Variants in ZBTB7C observed in about 807,000 individuals in gnomAD.
ZBTB7C encodes zinc finger and BTB domain containing 7C, also known as zinc finger and BTB domain-containing protein 7C.
A neutral mutation model predicts 25.7 loss-of-function variants in ZBTB7C; 8 were observed. The ratio of observed to expected loss-of-function variants is 0.31; its 90% CI spans 0.18 to 0.56. The LOEUF (loss-of-function observed/expected upper bound fraction) is 0.56, where lower values mean the gene tolerates loss of function less well. Ranked by LOEUF, ZBTB7C falls within the 20% of genes least tolerant of loss-of-function variation. The probability of loss-of-function intolerance (pLI) is 0.91; values close to 1 mark genes in which losing one functional copy is unlikely to be tolerated. For missense variants in ZBTB7C, 824 were observed against 855.2 expected (o/e 0.96, Z 0.46); for synonymous variants, 394 against 369.0 (o/e 1.07, Z -0.78).
At chr18:48,367,636 T>C (rs1256805897) in intron 1 of ZBTB7C, among the ~76,000 whole-genome samples, 2 of 151,918 alleles carry the variant, frequency 1.3e-5, no homozygotes, top group African/African-American at 4.8e-5. Context: ...AACTGCTCTA[T>C]TCAGCCAAAC....
intron 3 of ZBTB7C, among the ~76,000 whole-genome samples, chr18:48,156,065 T>C (rs537026472): frequency 2.7e-4 from 41 of 152,340 alleles, no homozygotes; most frequent in Non-Finnish European, 5.3e-4. Flanking sequence ...ACATCCTGTG[T>C]AGGAACGTGT....
chr18:48,306,577 ATTTACTAGGCTCTGAC>A (rs1435065922), intron 2 of ZBTB7C, among the ~76,000 whole-genome samples: 1 of 152,210 alleles, frequency 6.6e-6, no homozygotes, highest in African/African-American at 2.4e-5. Context: ...GGTACCTGGA[ATTTACTAGGCTCTGAC>A]TTCCATATAG....
At chr18:48,292,904 A>G (rs549419304) in intron 2 of ZBTB7C, among the ~76,000 whole-genome samples, 2 of 152,136 alleles carry the variant, frequency 1.3e-5, no homozygotes, top group African/African-American at 4.8e-5. Flanking sequence ...GCTGCTATTC[A>G]TTGAGCCCTC....
At chr18:48,332,370 A>T (rs2046359539) in intron 2 of ZBTB7C, among the ~76,000 whole-genome samples, 1 of 152,186 alleles carries the variant, frequency 6.6e-6, no homozygotes, top group South Asian at 2.1e-4. Flanking sequence ...CATGGCAAGA[A>T]AACATTATGG....
chr18:48,046,074 G>A (rs1378452472), intron 3 of ZBTB7C, among the ~76,000 whole-genome samples: 1 of 152,216 alleles, frequency 6.6e-6, no homozygotes, highest in East Asian at 1.9e-4. Flanking sequence ...GAAAGACACT[G>A]AACCAGGACT....
intron 2 of ZBTB7C, among the ~76,000 whole-genome samples, chr18:48,305,928 G>A (rs7233673): frequency 0.18 from 26,874 of 152,120 alleles, 2,469 homozygotes; most frequent in African/African-American, 0.2. Flanking sequence ...TATGTAGCCC[G>A]AGCTCACTGA....
At chr18:48,260,751 C>T (rs2187432) in intron 2 of ZBTB7C, among the ~76,000 whole-genome samples, 26,866 of 152,188 alleles carry the variant, frequency 0.18, 2,567 homozygotes, top group Admixed American at 0.24. Context: ...CCAGTGAAGG[C>T]CATGTTCGCC....
intron 4 of ZBTB7C, 144 bp downstream of exon 4, chr18:48,039,756 G>T: frequency 1.2e-6 from 1 of 818,240 alleles, no homozygotes; most frequent in Non-Finnish European, 2.0e-6. Flanking sequence ...ACCAGGTGAT[G>T]CCTAGCACCC....
At chr18:48,080,888 C>T (rs2037956693) in intron 3 of ZBTB7C, among the ~76,000 whole-genome samples, 1 of 152,224 alleles carries the variant, frequency 6.6e-6, no homozygotes, top group African/African-American at 2.4e-5. Flanking sequence ...CTGTAGAGAG[C>T]CCGGGCAAGC....
intron 2 of ZBTB7C, among the ~76,000 whole-genome samples, chr18:48,254,258 G>A (rs2043957333): frequency 6.6e-6 from 1 of 152,198 alleles, no homozygotes; most frequent in Admixed American, 6.5e-5. Context: ...TACTACCTAG[G>A]AATAGGCAAG....
At chr18:48,398,971 T>C (rs925101888) in intron 1 of ZBTB7C, among the ~76,000 whole-genome samples, 2 of 152,216 alleles carry the variant, frequency 1.3e-5, no homozygotes, top group Non-Finnish European at 2.9e-5. Context: ...AAATCAAGGA[T>C]CCCTTTCATA....
intron 1 of ZBTB7C, among the ~76,000 whole-genome samples, chr18:48,370,152 G>A (rs1403981505): frequency 6.6e-6 from 1 of 152,060 alleles, no homozygotes; most frequent in Non-Finnish European, 1.5e-5. Context: ...CAATCCATGG[G>A]CCAAAGAGGA....
intron 2 of ZBTB7C, among the ~76,000 whole-genome samples, chr18:48,284,662 A>G (rs983252043): frequency 6.6e-6 from 1 of 151,914 alleles, no homozygotes; most frequent in Non-Finnish European, 1.5e-5. Flanking sequence ...ATGGTGTTAC[A>G]CACCTGTAAT....
chr18:48,295,044 G>A (rs1481543515), intron 2 of ZBTB7C, among the ~76,000 whole-genome samples: 2 of 152,042 alleles, frequency 1.3e-5, no homozygotes, highest in Non-Finnish European at 2.9e-5. Context: ...GCACACACCA[G>A]GCCTGGGCAT....
chr18:48,389,236 CGTGTGTGTGTGTGTGTGTGT>C (rs71165323), intron 1 of ZBTB7C, among the ~76,000 whole-genome samples: 54 of 62,380 alleles, frequency 8.7e-4, no homozygotes, highest in African/African-American at 3.6e-3. Context: ...CTCTCTCTCT[CGTGTGTGTGTGTGTGTGTGT>C]GTGTGTGTGT....
intron 3 of ZBTB7C, chr18:48,041,475 T>C (rs73447904): frequency 0.024 from 23,171 of 985,326 alleles, 1,853 homozygotes; most frequent in African/African-American, 0.23. Context: ...CTCATGAACC[T>C]AGCTGTTGCC....
At chr18:48,241,433 C>T (rs530082461) in intron 2 of ZBTB7C, among the ~76,000 whole-genome samples, 1 of 152,230 alleles carries the variant, frequency 6.6e-6, no homozygotes, top group Non-Finnish European at 1.5e-5. Flanking sequence ...GAACATTCTC[C>T]AAGACAGACC....
chr18:48,279,569 A>C (rs1327929061), intron 2 of ZBTB7C, among the ~76,000 whole-genome samples: 1 of 152,172 alleles, frequency 6.6e-6, no homozygotes, highest in Non-Finnish European at 1.5e-5. Context: ...CTGTCTTCTG[A>C]TATTAGCACA....
chr18:48,412,550 TG>T (rs1200853226), upstream of ZBTB7C, among the ~76,000 whole-genome samples: 1 of 152,170 alleles, frequency 6.6e-6, no homozygotes, highest in Non-Finnish European at 1.5e-5. Context: ...TCCCCTGCGA[TG>T]CTGCCTCTAG....
Sources: allele counts gnomAD v4.1 joint callset (sites outside exome capture counted in the v4.1 genomes callset), GRCh38; gene constraint gnomAD v4.1.1; transcripts MANE v1.5; gene names NCBI Gene and HGNC (gene_info 2026-07-23, HGNC 2026-07-21).